Variants in GRID2 observed in about 807,000 individuals in gnomAD.
GRID2 encodes the protein glutamate ionotropic receptor delta type subunit 2.
Under a neutral mutation model 114.8 loss-of-function variants are expected in GRID2, and 33 were observed. The ratio of observed to expected loss-of-function variants is 0.29; its 90% CI spans 0.22 to 0.38. The LOEUF (loss-of-function observed/expected upper bound fraction) is 0.38, where lower values mean the gene tolerates loss of function less well. Among genes scored for constraint, GRID2 ranks in the 10% least tolerant of loss-of-function variants. The pLI is 1.00. For synonymous variants in GRID2, 505 were observed against 449.9 expected (o/e 1.12, Z -1.55); for missense variants, 1,184 against 1,257.7 (o/e 0.94, Z 0.89).
intron 2 of GRID2, among the ~76,000 whole-genome samples, chr4:92,748,471 T>C (rs1737264810): frequency 1.3e-5 from 2 of 152,010 alleles, no homozygotes; most frequent in African/African-American, 4.8e-5. Flanking sequence ...ACCCTCTTCC[T>C]ATGTGGTAGT....
intron 2 of GRID2, among the ~76,000 whole-genome samples, chr4:92,716,394 T>C (rs1361626306): frequency 6.6e-6 from 1 of 152,224 alleles, no homozygotes; most frequent in Non-Finnish European, 1.5e-5. Flanking sequence ...CAAAGCTGTC[T>C]GGCCCTGTAG....
At chr4:92,508,208 A>C (rs1290332647) in intron 1 of GRID2, among the ~76,000 whole-genome samples, 2 of 151,906 alleles carry the variant, frequency 1.3e-5, no homozygotes, top group East Asian at 1.9e-4. Flanking sequence ...TTGTTGTATA[A>C]AGTACTTTCA....
chr4:93,500,707 G>A lies in GRID2; in HGVS notation c.1997+9930G>A, dbSNP rs569188850. ...GGCATAAATAAGGTCTTGGAAGAAT[G>A]ATTCACTCTGTTATCTCACCTTAGC... is the stretch of plus-strand genomic sequence containing the variant. On this transcript the variant is annotated intron_variant, in intron 12 of 15. Transcript: ENST00000282020. Among the ~76,000 whole-genome samples the A allele has an allele frequency of 1.8e-4, 28 of 152,128 alleles. No homozygotes were observed. The South Asian group carries it at 5.8e-3, about 32-fold the overall frequency.
intron 1 of GRID2, among the ~76,000 whole-genome samples, chr4:92,492,201 T>C (rs1723177450): frequency 6.6e-6 from 1 of 152,224 alleles, no homozygotes; most frequent in Non-Finnish European, 1.5e-5. Context: ...TTAAAACTGT[T>C]GTTTTCCTAT....
chr4:93,653,788 C>G (rs1279600400), intron 14 of GRID2, among the ~76,000 whole-genome samples: 1 of 152,070 alleles, frequency 6.6e-6, no homozygotes, highest in Non-Finnish European at 1.5e-5. Flanking sequence ...AGTATAATCT[C>G]TGCTGGAAAG....
intron 2 of GRID2, among the ~76,000 whole-genome samples, chr4:92,717,966 A>C (rs1735626783): frequency 6.6e-6 from 1 of 152,176 alleles, no homozygotes. Flanking sequence ...TTATAGAGAA[A>C]TATAAGGATC....
intron 8 of GRID2, among the ~76,000 whole-genome samples, chr4:93,382,557 A>G (rs1162497344): frequency 1.3e-5 from 2 of 151,712 alleles, no homozygotes; most frequent in African/African-American, 4.8e-5. Context: ...TGTACTTTTT[A>G]GCTACAAAAT....
intron 1 of GRID2, among the ~76,000 whole-genome samples, chr4:93,804,839 A>C (rs1274181480): frequency 6.6e-6 from 1 of 152,150 alleles, no homozygotes; most frequent in African/African-American, 2.4e-5. Flanking sequence ...TTATTATTCT[A>C]AAACTTTATC....
intron 11 of GRID2, among the ~76,000 whole-genome samples, 187 bp from the exon 12 acceptor site, chr4:93,490,452 C>T (rs1317673713): frequency 1.3e-5 from 2 of 151,830 alleles, no homozygotes; most frequent in African/African-American, 4.8e-5. Context: ...CTTCTTTTGG[C>T]TGGGTCTTTC....
At chr4:92,942,821 G>A (rs544447153) in intron 2 of GRID2, among the ~76,000 whole-genome samples, 144 of 152,012 alleles carry the variant, frequency 9.5e-4, no homozygotes, top group African/African-American at 2.9e-3. Context: ...TTTCTCCTTC[G>A]CTTATGAAGC....
At chr4:93,207,597 C>A in intron 5 of GRID2, 140 bp downstream of exon 5, 2 of 597,256 alleles carry the variant, frequency 3.3e-6, no homozygotes, top group East Asian at 2.9e-5. Context: ...TGCTGTTTAA[C>A]AAAGATAGAA....
chr4:93,038,857 C>T (rs766854483), intron 2 of GRID2, among the ~76,000 whole-genome samples: 6 of 151,818 alleles, frequency 4.0e-5, no homozygotes, highest in Non-Finnish European at 7.4e-5. Flanking sequence ...GGAATGCTTT[C>T]ACACTCTTGG....
At position 92,770,742 on chromosome 4, in the gene GRID2, G is replaced by A. The variant is rs963500539; in HGVS notation, c.244+180456G>A. 1.3e-4 allele frequency among the ~76,000 whole-genome samples: 19 copies of A among 151,950 alleles called. No homozygotes were observed. The East Asian group carries it at 1.4e-3, about 11-fold the overall frequency. ...TCATTCACTATCACGAGAAAAGCGC[G>A]GGAAAGACCCACCACCATAATTCAA... On this transcript the variant is annotated intron_variant, in intron 2 of 15. Transcript: ENST00000282020.
intron 14 of GRID2, among the ~76,000 whole-genome samples, chr4:93,657,776 G>A (rs189328183): frequency 1.1e-3 from 161 of 152,272 alleles, no homozygotes; most frequent in African/African-American, 3.8e-3. Context: ...TTCTACTTAA[G>A]CCTCTCCTTG....
chr4:92,452,308 A>G (rs1039304775), intron 1 of GRID2, among the ~76,000 whole-genome samples: 5 of 151,990 alleles, frequency 3.3e-5, no homozygotes, highest in Admixed American at 2.0e-4. Context: ...AGCAAGGGTA[A>G]ATCTGTTTAG....
intron 2 of GRID2, among the ~76,000 whole-genome samples, chr4:92,627,258 A>C (rs1218304048): frequency 6.6e-6 from 1 of 152,090 alleles, no homozygotes; most frequent in South Asian, 2.1e-4. Context: ...AGGGAGAATG[A>C]AGGAAGCTAA....
chr4:93,054,259 G>A (rs554087811), intron 2 of GRID2, among the ~76,000 whole-genome samples: 22 of 151,280 alleles, frequency 1.5e-4, no homozygotes, highest in Admixed American at 9.3e-4. Context: ...TATAGCATTC[G>A]CAAAAATTAA....
intron 2 of GRID2, among the ~76,000 whole-genome samples, chr4:92,976,635 G>A (rs1753893930): frequency 6.6e-6 from 1 of 151,998 alleles, no homozygotes; most frequent in South Asian, 2.1e-4. Flanking sequence ...AGGCAATTTA[G>A]TATCACCAAA....
At chr4:92,950,583 G>A (rs559480309) in intron 2 of GRID2, among the ~76,000 whole-genome samples, 29 of 152,250 alleles carry the variant, frequency 1.9e-4, no homozygotes, top group Non-Finnish European at 3.8e-4. Flanking sequence ...AGTCCCAGAA[G>A]AAACTGGGTT....
Sources: allele counts gnomAD v4.1 joint callset (sites outside exome capture counted in the v4.1 genomes callset), GRCh38; gene constraint gnomAD v4.1.1; transcripts MANE v1.5; gene names NCBI Gene and HGNC (gene_info 2026-07-23, HGNC 2026-07-21).